The following TECTA variants were observed in gnomAD, a reference collection of about 807,000 sequenced individuals.
The protein encoded by TECTA is alpha-tectorin.
A neutral mutation model predicts 216.8 loss-of-function variants in TECTA; 128 were observed. The ratio of observed to expected loss-of-function variants is 0.59; its 90% CI spans 0.51 to 0.68. TECTA has a LOEUF of 0.68. Among genes scored for constraint, TECTA ranks in the 30% least tolerant of loss-of-function variants. The pLI is 0.00. For synonymous variants in TECTA, 1,089 were observed against 1,117.1 expected (o/e 0.97, Z 0.50); for missense variants, 2,551 against 2,786.2 (o/e 0.92, Z 1.90).
Position 121,137,414 on chromosome 11 carries a change from C to T in TECTA, c.2942-7C>T, listed in dbSNP as rs772122250. 1.2e-6 allele frequency: 2 copies of T among 1,613,934 alleles called. No homozygotes were observed. The highest frequency in any genetic ancestry group is 1.7e-5 in the Admixed American group (1 of 60,012). On this transcript the variant is annotated splice_polypyrimidine_tract_variant and splice_region_variant and intron_variant, in intron 10 of 23. Coordinates refer to ENST00000392793, the MANE Select transcript of TECTA (RefSeq NM_005422.4). ...CTCAAACCCGTCTTCTCCTTGACCA[C>T]CTGCAGCACTGGAGTGCCCAGAGAA...
At chr11:121,187,218 T>C (rs900639584) in intron 20 of TECTA, among the ~76,000 whole-genome samples, 3 of 152,178 alleles carry the variant, frequency 2.0e-5, no homozygotes, top group African/African-American at 7.2e-5. Flanking sequence ...TGGGGAACTA[T>C]ACATAATTGA....
intron 20 of TECTA, among the ~76,000 whole-genome samples, chr11:121,180,903 C>A (rs1051999088): frequency 1.3e-5 from 2 of 149,592 alleles, no homozygotes; most frequent in African/African-American, 4.9e-5. Context: ...CACAGTGGCT[C>A]ACACCTGTAG....
At chr11:121,154,222 GT>G in intron 13 of TECTA, among the ~76,000 whole-genome samples, 1 of 152,114 alleles carries the variant, frequency 6.6e-6, no homozygotes, top group African/African-American at 2.4e-5. Context: ...TCTCCTTTTT[GT>G]AAAGATACAT....
intron 10 of TECTA, among the ~76,000 whole-genome samples, chr11:121,135,938 C>T (rs752739508): frequency 2.6e-4 from 39 of 150,108 alleles, no homozygotes; most frequent in Non-Finnish European, 4.7e-4. Context: ...TGGTGAGTAT[C>T]CCGTGGTATT....
At position 121,137,450 on chromosome 11, in the gene TECTA, G is replaced by A; in HGVS notation, c.2971G>A (p.Glu991Lys). ...GGAGTGCCCAGAGAACAGCCACTTT[G>A]AGGAGTGCATCACATGTACAGAGAC... ...PLECPENSHF[E>K]ECITCTETCE... The change falls in exon 11 of 24, where the codon GAG becomes AAG. Residue 991 changes from glutamate (E) to lysine (K), a missense_variant. Glu to Lys is a moderately conservative substitution (Grantham distance 56). Coordinates refer to ENST00000392793, the MANE Select transcript of TECTA (RefSeq NM_005422.4). 1 of 1,613,956 alleles carries A rather than the reference G, an allele frequency of 6.2e-7. No individual in the cohort carries two copies. Among genetic ancestry groups the A allele is most frequent in the South Asian group, 1.1e-5 (1 of 91,080 alleles).
In TECTA at chr11:121,130,101, G is replaced by T; in HGVS notation, c.2831G>T (p.Cys944Phe). The change falls in exon 10 of 24, where the codon TGC becomes TTC. Residue 944 changes from cysteine to phenylalanine, a missense_variant. Around this residue, in one of 3 missense-constraint regions of TECTA, gnomAD observed 2,375 missense variants for 2,563.9 expected, o/e 0.93. Coordinates refer to ENST00000392793, the MANE Select transcript of TECTA (RefSeq NM_005422.4). ...AYYRTCLFRL[C>F]QSGGNESELC... is the part of the protein sequence containing the mutation. ...TACCGCACCTGCCTTTTCCGCCTGTGCCAGAGTGGGGGCAATGAGTCAGAG... is the reference window on the plus strand; with the variant it reads ...TACCGCACCTGCCTTTTCCGCCTGTTCCAGAGTGGGGGCAATGAGTCAGAG... The T allele has an allele frequency of 3.7e-6, 6 of 1,613,514 alleles. No homozygotes were observed. The highest frequency in any genetic ancestry group is 5.1e-6 in the Non-Finnish European group (6 of 1,180,032).
chr11:121,110,956 T>G (rs182153085), intron 4 of TECTA, among the ~76,000 whole-genome samples: 14 of 152,286 alleles, frequency 9.2e-5, no homozygotes, highest in African/African-American at 3.4e-4. Context: ...TGTCCATCCA[T>G]CCCCATCTTT....
intron 6 of TECTA, 27 bp from the exon 7 acceptor site, chr11:121,118,279 G>A (rs750626510): frequency 1.9e-6 from 3 of 1,613,564 alleles, no homozygotes; most frequent in African/African-American, 1.3e-5. Flanking sequence ...CTCAGTAAAT[G>A]TTGGCTCTAA....
intron 20 of TECTA, among the ~76,000 whole-genome samples, chr11:121,185,401 T>C (rs920162539): frequency 4.1e-5 from 6 of 146,594 alleles, no homozygotes; most frequent in Admixed American, 6.7e-5. Context: ...AATGAATGAG[T>C]AGGGAAAGCA....
chr11:121,126,598 A>G (rs900427463), intron 8 of TECTA, among the ~76,000 whole-genome samples: 1 of 152,262 alleles, frequency 6.6e-6, no homozygotes, highest in African/African-American at 2.4e-5. Context: ...GGTTTTCTCC[A>G]TATGAGTAAA....
chr11:121,119,378 C>A (rs1041036804), intron 7 of TECTA, among the ~76,000 whole-genome samples: 1 of 152,136 alleles, frequency 6.6e-6, no homozygotes, highest in Non-Finnish European at 1.5e-5. Context: ...CAACTCCCAC[C>A]TAGAATAACA....
At chr11:121,138,112 C>T in intron 11 of TECTA, 90 bp downstream of exon 11, 2 of 1,575,000 alleles carry the variant, frequency 1.3e-6, no homozygotes, top group Non-Finnish European at 1.7e-6. Context: ...TCAGGCAGGT[C>T]CGGAATCCAA....
intron 12 of TECTA, among the ~76,000 whole-genome samples, chr11:121,146,916 T>C (rs1259652168): frequency 6.6e-6 from 1 of 152,210 alleles, no homozygotes; most frequent in African/African-American, 2.4e-5. Context: ...CAACTGAGAC[T>C]CAGAGGAATG....
chr11:121,168,155 T>C lies in TECTA; in HGVS notation c.5688T>C (p.Phe1896=), dbSNP rs1370340257. Residue 1896 remains phenylalanine (F), a synonymous_variant, in exon 19 of 24, where the codon TTT becomes TTC. Coordinates refer to ENST00000392793, the MANE Select transcript of TECTA (RefSeq NM_005422.4). ...GGGACCGCACGATCAATGTGGAATT[T>C]TCATGTGCTTATGAGCTGGATATCA... ...ITRDRTINVE[F]SCAYELDIKI... is the part of the protein sequence containing the mutation. The C allele has an allele frequency of 2.5e-6, 4 of 1,614,234 alleles. No individual in the cohort carries two copies. In the South Asian group the frequency reaches 4.4e-5, roughly 18 times the overall value.
At chr11:121,174,619 C>T (rs1335292162) in intron 20 of TECTA, among the ~76,000 whole-genome samples, 1 of 152,152 alleles carries the variant, frequency 6.6e-6, no homozygotes, top group East Asian at 1.9e-4. Context: ...ATTTTTGCAT[C>T]AATGTTCTTC....
intron 20 of TECTA, among the ~76,000 whole-genome samples, chr11:121,179,739 C>T (rs1947206113): frequency 1.3e-5 from 2 of 152,104 alleles, no homozygotes. Flanking sequence ...GTTGTATCCT[C>T]TTGCTGAATT....
At chr11:121,175,008 G>C (rs1947150452) in intron 20 of TECTA, among the ~76,000 whole-genome samples, 1 of 152,164 alleles carries the variant, frequency 6.6e-6, no homozygotes, top group Non-Finnish European at 1.5e-5. Flanking sequence ...TCTGATGGTA[G>C]TTTGTATTTC....
chr11:121,190,820 G>A lies in TECTA; in HGVS notation c.*14G>A, dbSNP rs1266703467. On this transcript the variant is annotated 3_prime_UTR_variant, in exon 24 of 24. Transcript: ENST00000392793. ...ACGACCTCATAATTAACTCAAGGTT[G>A]CTATATAAAGTACTGTAATTTACTT... The A allele has an allele frequency of 3.8e-6, 6 of 1,582,404 alleles. No individual in the cohort carries two copies. Among genetic ancestry groups the A allele is most frequent in the East Asian group, 2.2e-5 (1 of 44,664 alleles).
At position 121,168,324 on chromosome 11, in the gene TECTA, T is replaced by A. The variant is rs1056422956; in HGVS notation, c.5750+107T>A. On this transcript the variant is annotated intron_variant, in intron 19 of 23. Coordinates refer to ENST00000392793, the MANE Select transcript of TECTA (RefSeq NM_005422.4). Reference sequence around the variant, plus strand: ...TGTCTTTGATGCCCTAGGAAAAACATAATTCACGTTTCTTGAGCCTAAATG... The same window carrying A: ...TGTCTTTGATGCCCTAGGAAAAACAAAATTCACGTTTCTTGAGCCTAAATG... 2.2e-4 allele frequency: 323 copies of A among 1,440,626 alleles called. 1 individual carries two copies. The highest frequency in any genetic ancestry group is 1.3e-4 in the Admixed American group (8 of 59,604). The allele number at this position is 1,440,626 out of a possible 1,614,324, so 89.2% of individuals were successfully genotyped here.
Sources: allele counts gnomAD v4.1 joint callset (sites outside exome capture counted in the v4.1 genomes callset), GRCh38; gene constraint gnomAD v4.1.1; regional missense constraint gnomAD v4.1.1; transcripts MANE v1.5; gene names NCBI Gene and HGNC (gene_info 2026-07-23, HGNC 2026-07-21).